Variants in COL1A2 observed in about 807,000 individuals in gnomAD.
COL1A2 encodes collagen type I alpha 2 chain, also known as collagen alpha-2(I) chain.
Under a neutral mutation model 174.3 loss-of-function variants are expected in COL1A2, and 49 were observed. The ratio of observed to expected loss-of-function variants is 0.28; its 90% CI spans 0.22 to 0.36. COL1A2 has a LOEUF of 0.36. COL1A2 is among the 10% of genes least tolerant of loss of function. The pLI is 1.00. For synonymous variants in COL1A2, 655 were observed against 606.6 expected, an observed-to-expected ratio of 1.08 and a Z score of -1.17; for missense variants, 1,438 against 1,822.7, an observed-to-expected ratio of 0.79 and a Z score of 3.84.
intron 25 of COL1A2, 41 bp downstream of exon 25, chr7:94,412,723 T>A (rs374600869): frequency 4.0e-4 from 623 of 1,565,812 alleles, no homozygotes; most frequent in Non-Finnish European, 5.3e-4. Context: ...GCACTTTCTG[T>A]AGCCAAATTT....
In COL1A2 at chr7:94,426,995, T is replaced by G. The variant is rs746153688; in HGVS notation, c.3106-13T>G. 3 of 1,613,458 alleles carry G rather than the reference T, an allele frequency of 1.9e-6. No homozygotes were observed. The African/African-American group carries it at 4.0e-5, about 22-fold the overall frequency. On this transcript the variant is annotated splice_polypyrimidine_tract_variant and intron_variant, in intron 46 of 51. Coordinates refer to ENST00000297268, the MANE Select transcript of COL1A2 (RefSeq NM_000089.4). ...TGCTCTGAAAGTGTGATTTTCCTCT[T>G]CTGTCTTTAAAGGGTCACCATGGTG...
At chr7:94,430,149 A>G (rs1392984108) in intron 51 of COL1A2, 98 bp from the exon 52 acceptor site, 3 of 1,211,622 alleles carry the variant, frequency 2.5e-6, no homozygotes, top group Admixed American at 1.8e-5. Flanking sequence ...TCAGAATGAC[A>G]CATGCCAAAC....
At position 94,425,838 on chromosome 7, in the gene COL1A2, A is replaced by G. The variant is rs371471475; in HGVS notation, c.2924A>G (p.His975Arg). 8 of 1,611,344 alleles carry G rather than the reference A, an allele frequency of 5.0e-6. No homozygotes were observed. The African/African-American group carries it at 5.3e-5, about 11-fold the overall frequency. The change falls in exon 44 of 52, where the codon CAT (histidine) becomes CGT (arginine). Residue 975 changes from histidine to arginine, a missense_variant. His to Arg is a conservative substitution (Grantham distance 29). This residue lies in a region of COL1A2 where 867 missense variants were observed against 1,213.7 expected (regional missense o/e 0.71). Transcript: ENST00000297268. ...GGCCCCGTGGGTCCTGCTGGCAAAC[A>G]TGGAAACCGTGGTGAAACTGTAAGT... ...PHGPVGPAGKHGNRGETGPSG... is the reference protein window; with the variant it reads ...PHGPVGPAGKRGNRGETGPSG...
intron 6 of COL1A2, among the ~76,000 whole-genome samples, chr7:94,403,260 T>C (rs1791726133): frequency 6.6e-6 from 1 of 152,190 alleles, no homozygotes; most frequent in Admixed American, 6.5e-5. Context: ...AAATATAATT[T>C]AAGCTTGCAC....
At chr7:94,402,293 T>A (rs1791703370) in intron 6 of COL1A2, among the ~76,000 whole-genome samples, 1 of 152,052 alleles carries the variant, frequency 6.6e-6, no homozygotes, top group South Asian at 2.1e-4. Flanking sequence ...ACTGGGGAAA[T>A]TACAAGGAAT....
chr7:94,404,713 A>T lies in COL1A2; in HGVS notation c.345A>T (p.Gly115=). The stretch of plus-strand genomic sequence containing the variant: ...TTTAGGGCCCTCAAGGTTTCCAAGG[A>T]CCTGCTGGTGAGCCTGGTGAACCTG... ...AGAPGPQGFQ[G]PAGEPGEPGQ... is the part of the protein sequence containing the mutation. The change falls in exon 8 of 52, where the codon GGA becomes GGT. Residue 115 remains glycine (G), a synonymous_variant. Coordinates refer to ENST00000297268, the MANE Select transcript of COL1A2 (RefSeq NM_000089.4). 6.2e-7 allele frequency: 1 copy of T among 1,614,092 alleles called. No individual in the cohort carries two copies. The highest frequency in any genetic ancestry group is 8.5e-7 in the Non-Finnish European group (1 of 1,180,002).
At chr7:94,405,297 A>G (rs754046909) in intron 10 of COL1A2, 45 bp downstream of exon 10, 14 of 1,563,884 alleles carry the variant, frequency 9.0e-6, no homozygotes, top group Middle Eastern at 1.7e-4. Flanking sequence ...TCATAGGCCT[A>G]TAAGATAGTT....
chr7:94,420,162 C>T, intron 34 of COL1A2, 71 bp from the exon 35 acceptor site: 3 of 1,596,458 alleles, frequency 1.9e-6, no homozygotes, highest in Non-Finnish European at 1.7e-6. Flanking sequence ...CACCACTGTT[C>T]TCTCTCCCTC....
At chr7:94,428,941 G>A (rs533647407) in intron 50 of COL1A2, among the ~76,000 whole-genome samples, 1 of 152,212 alleles carries the variant, frequency 6.6e-6, no homozygotes, top group South Asian at 2.1e-4. Context: ...ATGCAAAAAG[G>A]ATTAATTGAA....
intron 49 of COL1A2, 27 bp downstream of exon 49, chr7:94,427,912 G>A: frequency 6.2e-7 from 1 of 1,612,842 alleles, no homozygotes; most frequent in African/African-American, 1.3e-5. Flanking sequence ...AGACCAGACT[G>A]ACCCTTCTCA....
At position 94,430,713 on chromosome 7, in the gene COL1A2, G is replaced by T; in HGVS notation, c.*320G>T. 1 of 304,872 alleles carries T rather than the reference G, an allele frequency of 3.3e-6. No homozygotes were observed. Among genetic ancestry groups the T allele is most frequent in the South Asian group, 3.7e-5 (1 of 26,832 alleles). The allele number at this position is 304,872 out of a possible 1,614,324, so 18.9% of individuals were successfully genotyped here. ...AACCATAAACATTTGCACCACTTGT[G>T]GCTTTTGAATATCTTCCACAGAGGG... On this transcript the variant is annotated 3_prime_UTR_variant, in exon 52 of 52. Coordinates refer to ENST00000297268, the MANE Select transcript of COL1A2 (RefSeq NM_000089.4).
rs1253846430 is a variant in COL1A2 at position 94,410,222 on chromosome 7, T to C, written c.1036-20T>C. On this transcript the variant is annotated intron_variant, in intron 19 of 51. Transcript: ENST00000297268. ...CAACAAATGTTTGTCCTTTGACCAC[T>C]GTTCTGTATTGAACCCTAGGGTGAG... The C allele has an allele frequency of 6.2e-7, 1 of 1,613,074 alleles. No individual in the cohort carries two copies. Among genetic ancestry groups the C allele is most frequent in the East Asian group, 2.2e-5 (1 of 44,882 alleles).
chr7:94,423,229 A>G (rs1792206147), intron 40 of COL1A2, 111 bp downstream of exon 40: 2 of 1,286,998 alleles, frequency 1.6e-6, no homozygotes, highest in Non-Finnish European at 2.2e-6. Context: ...CAGGCTCTCA[A>G]GTAGAGCTCA....
intron 4 of COL1A2, 83 bp downstream of exon 4, chr7:94,399,167 A>G: frequency 1.6e-6 from 2 of 1,280,900 alleles, no homozygotes; most frequent in Non-Finnish European, 2.3e-6. Context: ...GGCAATTTAT[A>G]AGAATATTAT....
rs548998477 is a variant in COL1A2 at position 94,424,998 on chromosome 7, C to G, written c.2674-119C>G. The G allele has an allele frequency of 7.9e-4, 655 of 829,034 alleles. 1 individual carries two copies. The highest frequency in any genetic ancestry group is 1.1e-3 in the Non-Finnish European group (553 of 488,866). The allele number at this position is 829,034 out of a possible 1,614,324, so 51.4% of individuals were successfully genotyped here. On this transcript the variant is annotated intron_variant, in intron 41 of 51. Transcript: ENST00000297268. ...ACTTCTTACCATTGTGTGACCCATT[C>G]ACATTCAATTTACCTTCTTCCTTCA... is the stretch of plus-strand genomic sequence containing the variant.
chr7:94,409,691 C>A, intron 18 of COL1A2, 32 bp from the exon 19 acceptor site: 3 of 1,613,276 alleles, frequency 1.9e-6, no homozygotes, highest in Non-Finnish European at 2.5e-6. Context: ...CCATCACCTC[C>A]CTAATGGACC....
intron 16 of COL1A2, 115 bp from the exon 17 acceptor site, chr7:94,409,207 A>G: frequency 1.0e-6 from 1 of 1,002,672 alleles, no homozygotes; most frequent in East Asian, 2.4e-5. Context: ...GGATAAGAAA[A>G]ATAATTGCAA....
intron 2 of COL1A2, 78 bp from the exon 3 acceptor site, chr7:94,398,304 C>A: frequency 2.0e-6 from 1 of 489,424 alleles, no homozygotes; most frequent in Non-Finnish European, 3.4e-6. Context: ...TATTTGTATA[C>A]TACACCAAAA....
intron 16 of COL1A2, 22 bp from the exon 17 acceptor site, chr7:94,409,300 T>G (rs1245194024): frequency 6.2e-7 from 1 of 1,605,602 alleles, no homozygotes; most frequent in Non-Finnish European, 8.5e-7. Flanking sequence ...GGTTAATTCC[T>G]TGGTTTAATT....
Sources: allele counts gnomAD v4.1 joint callset (sites outside exome capture counted in the v4.1 genomes callset), GRCh38; gene constraint gnomAD v4.1.1; regional missense constraint gnomAD v4.1.1; transcripts MANE v1.5; gene names NCBI Gene and HGNC (gene_info 2026-07-23, HGNC 2026-07-21).